GPC4: variants seen among roughly 807,000 people sequenced by gnomAD.
GPC4 encodes the protein glypican-4.
A neutral mutation model predicts 35.0 loss-of-function variants in GPC4; 10 were observed. That is an observed-to-expected ratio of 0.29 (90% CI 0.18 to 0.48). The LOEUF is 0.48. Among genes scored for constraint, GPC4 ranks in the 20% least tolerant of loss-of-function variants. GPC4 has a pLI of 0.99. For missense variants in GPC4, 322 were observed against 451.3 expected (o/e 0.71, Z 2.60); for synonymous variants, 167 against 170.2 (o/e 0.98, Z 0.15).
rs759909433 is a variant in GPC4 at position 133,339,227 on chromosome X, T to C, written c.275A>G (p.Asn92Ser). ...DFKSVVSEQC[N>S]HLQAVFASRY... is the part of the protein sequence containing the mutation. ...TGAAGCAAAGACAGCTTGCAAATGATTGCACTGTTCGCTGACCACACTTTT... is the reference window on the plus strand; with the variant it reads ...TGAAGCAAAGACAGCTTGCAAATGACTGCACTGTTCGCTGACCACACTTTT... Residue 92 changes from asparagine to serine, a missense_variant, in exon 2 of 9, where the codon AAT becomes AGT. Physicochemically the swap from Asn to Ser is conservative, Grantham distance 46. Coordinates refer to ENST00000370828, the MANE Select transcript of GPC4 (RefSeq NM_001448.3). 7 of 1,210,236 alleles carry C rather than the reference T, an allele frequency of 5.8e-6. No homozygotes were observed. The South Asian group carries it at 7.0e-5, about 12-fold the overall frequency.
chrX:133,317,606 GC>G (rs1305557742), intron 3 of GPC4, among the ~76,000 whole-genome samples: 1 of 111,653 alleles, frequency 9.0e-6, no homozygotes, highest in African/African-American at 3.2e-5. Context: ...AGCTAGAAAT[GC>G]ATTTCCTTTT....
chrX:133,324,635 AAC>A (rs1430898257), intron 2 of GPC4, 99 bp from the exon 3 acceptor site: 21 of 823,895 alleles, frequency 2.5e-5, no homozygotes, highest in African/African-American at 1.0e-4. Context: ...CTGGAAAAAA[AAC>A]ACAATTAAAT....
At chrX:133,335,343 C>G (rs888958418) in intron 2 of GPC4, among the ~76,000 whole-genome samples, 2 of 111,203 alleles carry the variant, frequency 1.8e-5, no homozygotes, top group Admixed American at 9.6e-5. Flanking sequence ...TAGAAAAACA[C>G]AGAGGCCAGT....
At chrX:133,376,970 T>C (rs2068636499) in intron 1 of GPC4, among the ~76,000 whole-genome samples, 1 of 111,659 alleles carries the variant, frequency 9.0e-6, no homozygotes, top group South Asian at 3.8e-4. Context: ...CAGAACAGCT[T>C]GGTGTTTTGT....
chrX:133,361,640 C>T (rs1314513204), intron 1 of GPC4, among the ~76,000 whole-genome samples: 1 of 110,668 alleles, frequency 9.0e-6, no homozygotes. Context: ...CTGCTGCATA[C>T]ACCAGAAAAG....
intron 1 of GPC4, among the ~76,000 whole-genome samples, chrX:133,370,303 TGGCTGGAGG>T (rs762062585): frequency 5.1e-4 from 57 of 112,026 alleles, no homozygotes; most frequent in South Asian, 7.5e-4. Context: ...AAACAAAACA[TGGCTGGAGG>T]GAAGACAGAG....
At chrX:133,414,724 C>A (rs2068830226) in intron 1 of GPC4, 82 bp downstream of exon 1, 1 of 1,145,978 alleles carries the variant, frequency 8.7e-7, no homozygotes, top group Admixed American at 2.5e-5. Context: ...GCGCAGGGGG[C>A]GGCGGGGCGG....
At chrX:133,396,295 C>T (rs1288425737) in intron 1 of GPC4, among the ~76,000 whole-genome samples, 1 of 111,229 alleles carries the variant, frequency 9.0e-6, no homozygotes, top group East Asian at 2.8e-4. Flanking sequence ...TTGAAAATAG[C>T]GATAAATTCC....
intron 2 of GPC4, among the ~76,000 whole-genome samples, chrX:133,335,807 G>GAAAGAAGTGGTATCTC (rs1216303020): frequency 7.1e-5 from 8 of 111,975 alleles, no homozygotes; most frequent in Non-Finnish European, 1.3e-4. Context: ...TTCTACCTTA[G>GAAAGAAGTGGTATCTC]AAAGAAGTGG....
intron 2 of GPC4, among the ~76,000 whole-genome samples, chrX:133,330,960 G>GAACA (rs746645818): frequency 1.9e-5 from 1 of 53,235 alleles, no homozygotes; most frequent in Non-Finnish European, 3.4e-5. Flanking sequence ...ACAAACAAAC[G>GAACA]AACAAACAAA....
intron 1 of GPC4, among the ~76,000 whole-genome samples, chrX:133,366,886 A>T (rs1489908236): frequency 8.9e-6 from 1 of 112,044 alleles, no homozygotes; most frequent in East Asian, 2.8e-4. Context: ...TCATTTGCAT[A>T]GGAGTATAAC....
At chrX:133,311,783 G>A (rs1342016377) in intron 3 of GPC4, among the ~76,000 whole-genome samples, 2 of 111,302 alleles carry the variant, frequency 1.8e-5, no homozygotes, top group Non-Finnish European at 3.8e-5. Flanking sequence ...ATGAGATGCA[G>A]TGGAGGAGAC....
chrX:133,389,596 AAG>A (rs1470730763), intron 1 of GPC4, among the ~76,000 whole-genome samples: 2 of 111,478 alleles, frequency 1.8e-5, no homozygotes, highest in Non-Finnish European at 3.8e-5. Context: ...GCGAGACGAG[AAG>A]ACAGTCCCGG....
chrX:133,373,441 T>C (rs766242657), intron 1 of GPC4, among the ~76,000 whole-genome samples: 1 of 111,834 alleles, frequency 8.9e-6, no homozygotes, highest in Non-Finnish European at 1.9e-5. Context: ...TAGTTCATAG[T>C]GACAGATGTG....
chrX:133,380,848 TG>T (rs1423587914), intron 1 of GPC4, among the ~76,000 whole-genome samples: 3 of 111,898 alleles, frequency 2.7e-5, no homozygotes, highest in Non-Finnish European at 5.6e-5. Context: ...AGAAAGAAGA[TG>T]TGCTTCCAAT....
intron 1 of GPC4, among the ~76,000 whole-genome samples, chrX:133,382,555 C>A (rs758626215): frequency 9.2e-6 from 1 of 108,141 alleles, no homozygotes; most frequent in East Asian, 2.9e-4. Flanking sequence ...GGTGAAACCC[C>A]GTCTCTACTA....
Position 133,340,795 on chromosome X carries a change from G to A in GPC4, c.161-1454C>T, listed in dbSNP as rs182212303. ...TAATTATATAATCATATATGTTCCC[G>A]ATCATTCTTCCTTCCTGGCAGTTAA... On this transcript the variant is annotated intron_variant, in intron 1 of 8. Transcript: ENST00000370828. Among the ~76,000 whole-genome samples, 15 of 111,682 alleles carry A rather than the reference G, an allele frequency of 1.3e-4. No homozygotes were observed. In the East Asian group the frequency reaches 2.8e-3, roughly 21 times the overall value.
rs748087376 is a variant in GPC4 at position 133,305,880 on chromosome X, A to C, written c.1047T>G (p.Ala349=). 3 of 1,211,825 alleles carry C rather than the reference A, an allele frequency of 2.5e-6. No individual in the cohort carries two copies. Among genetic ancestry groups the C allele is most frequent in the Non-Finnish European group, 3.3e-6 (3 of 895,566 alleles). Residue 349 remains alanine, a synonymous_variant, in exon 6 of 9, where the codon GCT becomes GCG. Transcript: ENST00000370828. ...QGCGPPKPLP[A]GRISRSISES... ...CAGAGATGGAACGAGAAATTCGTCC[A>C]GCTGGGAGGGGCTTGGGGGGTCCAC... is the stretch of plus-strand genomic sequence containing the variant.
At chrX:133,341,562 C>G (rs998766770) in intron 1 of GPC4, among the ~76,000 whole-genome samples, 2 of 110,729 alleles carry the variant, frequency 1.8e-5, no homozygotes, top group Admixed American at 9.6e-5. Flanking sequence ...ACTATACTCA[C>G]CTAATGTTAA....
Sources: gnomAD v4.1 joint callset for allele counts (sites outside exome capture counted in the v4.1 genomes callset) on GRCh38, gnomAD v4.1.1 for gene constraint, MANE v1.5 for transcripts, NCBI Gene and HGNC (gene_info 2026-07-23, HGNC 2026-07-21) for gene names.